The following CCDC7 variants were observed in gnomAD, a reference collection of about 807,000 sequenced individuals.
The protein encoded by CCDC7 is coiled-coil domain containing 7.
Under a neutral mutation model 196.9 loss-of-function variants are expected in CCDC7, and 183 were observed. The observed-to-expected ratio is 0.93, with a 90% CI of 0.82 to 1.05. The LOEUF (loss-of-function observed/expected upper bound fraction) is 1.05. Among genes scored for constraint, CCDC7 ranks in the 50% least tolerant of loss-of-function variants. The pLI is 0.00. For missense variants in CCDC7, 1,540 were observed against 1,482.2 expected (o/e 1.04, Z -0.64); for synonymous variants, 525 against 484.6 (o/e 1.08, Z -1.10).
At chr10:32,737,991 T>C (rs989105347) in intron 28 of CCDC7, among the ~76,000 whole-genome samples, 3 of 152,232 alleles carry the variant, frequency 2.0e-5, no homozygotes, top group African/African-American at 7.2e-5. Flanking sequence ...TGTCTTTGAA[T>C]TGATATATTT....
rs1241637122 is a variant in CCDC7 at position 32,854,258 on chromosome 10, AG to A, written c.4022-140del. On this transcript the variant is annotated intron_variant, in intron 40 of 41. Transcript: ENST00000639629. The stretch of plus-strand genomic sequence containing the variant: ...AAATCAGAGAGAAAATATTTGTGTC[AG>A]GTAAGCTGCTTTATCTAAATTACTG... The A allele has an allele frequency of 8.8e-6, 5 of 567,522 alleles. No individual in the cohort carries two copies. The African/African-American group carries it at 9.6e-5, about 11-fold the overall frequency. The allele number at this position is 567,522 out of a possible 1,614,324, so 35.2% of individuals were successfully genotyped here. A position where few individuals can be genotyped will look rare whatever the true frequency, so the allele number is the denominator to read the frequency against.
At chr10:32,683,041 T>C (rs536640390) in intron 21 of CCDC7, among the ~76,000 whole-genome samples, 1 of 152,350 alleles carries the variant, frequency 6.6e-6, no homozygotes, top group South Asian at 2.1e-4. Context: ...GCAGTGGCTT[T>C]TGGCATCTTT....
chr10:32,445,553 G>C (rs1446293484), upstream of CCDC7, among the ~76,000 whole-genome samples: 1 of 151,830 alleles, frequency 6.6e-6, no homozygotes, highest in Non-Finnish European at 1.5e-5. Flanking sequence ...ATTTTACTTC[G>C]TTCAACTTAA....
chr10:32,792,749 G>A (rs924994053), intron 29 of CCDC7, among the ~76,000 whole-genome samples: 1 of 152,166 alleles, frequency 6.6e-6, no homozygotes, highest in Non-Finnish European at 1.5e-5. Context: ...GCAGTGAGCC[G>A]AGATCACGCC....
intron 25 of CCDC7, among the ~76,000 whole-genome samples, chr10:32,717,626 C>G (rs531860967): frequency 6.6e-6 from 1 of 151,718 alleles, no homozygotes; most frequent in South Asian, 2.1e-4. Flanking sequence ...AGATAGACCA[C>G]GAGCCAGACT....
intron 21 of CCDC7, among the ~76,000 whole-genome samples, chr10:32,668,695 C>T (rs998068962): frequency 6.6e-6 from 1 of 152,076 alleles, no homozygotes; most frequent in Non-Finnish European, 1.5e-5. Flanking sequence ...GTATGTTGAA[C>T]CAGCCTTGCA....
At chr10:32,646,872 T>C (rs2067855406) in intron 20 of CCDC7, among the ~76,000 whole-genome samples, 1 of 152,240 alleles carries the variant, frequency 6.6e-6, no homozygotes, top group Non-Finnish European at 1.5e-5. Context: ...TTTAGGATTA[T>C]GCCCTCCAGC....
At chr10:32,804,616 G>T (rs1481261540) in intron 29 of CCDC7, among the ~76,000 whole-genome samples, 1 of 152,060 alleles carries the variant, frequency 6.6e-6, no homozygotes, top group Admixed American at 6.6e-5. Context: ...GTCTTACCAG[G>T]TATATCCATG....
At chr10:32,637,111 T>C (rs182331537) in intron 20 of CCDC7, among the ~76,000 whole-genome samples, 26 of 152,368 alleles carry the variant, frequency 1.7e-4, no homozygotes, top group African/African-American at 6.3e-4. Flanking sequence ...TTGAGTTCAT[T>C]GTAGATTCTG....
At chr10:32,697,904 C>T (rs539618941) in intron 24 of CCDC7, among the ~76,000 whole-genome samples, 1 of 152,332 alleles carries the variant, frequency 6.6e-6, no homozygotes, top group South Asian at 2.1e-4. Context: ...AGTAGGCTAA[C>T]TGGGAGACAT....
At position 32,453,325 on chromosome 10, in the gene CCDC7, T is replaced by A; in HGVS notation, c.280-19T>A. ...TAAACTATTAAAGTATCTAATTGGCTTTTATTTTTTTTTTACAGGTTGTTT... is the reference window on the plus strand; with the variant it reads ...TAAACTATTAAAGTATCTAATTGGCATTTATTTTTTTTTTACAGGTTGTTT... On this transcript the variant is annotated intron_variant, in intron 1 of 41. Transcript: ENST00000639629. 1 of 1,469,910 alleles carries A rather than the reference T, an allele frequency of 6.8e-7. No homozygotes were observed. Among genetic ancestry groups the A allele is most frequent in the South Asian group, 1.6e-5 (1 of 63,040 alleles). 91.1% of individuals were successfully genotyped at this position (1,469,910 alleles called of 1,614,324 possible). A position where few individuals can be genotyped will look rare whatever the true frequency, so the allele number is the denominator to read the frequency against.
intron 11 of CCDC7, among the ~76,000 whole-genome samples, chr10:32,526,426 C>T (rs1315499693): frequency 2.0e-5 from 3 of 152,120 alleles, no homozygotes; most frequent in East Asian, 1.9e-4. Context: ...TGAGCTGATA[C>T]CTAGGGTGCA....
intron 18 of CCDC7, among the ~76,000 whole-genome samples, chr10:32,613,986 A>ATCTG (rs1330845327): frequency 2.6e-5 from 4 of 152,098 alleles, no homozygotes; most frequent in African/African-American, 9.7e-5. Context: ...TGTCTCATTG[A>ATCTG]TCTAATATTG....
chr10:32,856,473 C>T lies in CCDC7; in HGVS notation c.4111+1984C>T, dbSNP rs11815253. Among the ~76,000 whole-genome samples, 1,250 of 152,288 alleles carry T rather than the reference C, an allele frequency of 8.2e-3. 16 individuals carry two copies. The highest frequency in any genetic ancestry group is 0.014 in the Non-Finnish European group (959 of 68,030). Reference sequence around the variant, plus strand: ...GGACTGAACACGCACAGCACCCTGCCTCCCTGGATTGGGAAAGCCCTCTAC... The same window carrying T: ...GGACTGAACACGCACAGCACCCTGCTTCCCTGGATTGGGAAAGCCCTCTAC... On this transcript the variant is annotated intron_variant, in intron 41 of 41. Coordinates refer to ENST00000639629, the Ensembl canonical transcript of CCDC7.
intron 28 of CCDC7, among the ~76,000 whole-genome samples, chr10:32,759,010 A>C (rs545671857): frequency 2.0e-4 from 30 of 152,304 alleles, no homozygotes; most frequent in Non-Finnish European, 3.7e-4. Context: ...CAAAGAGAAT[A>C]AAATACCTAG....
intron 21 of CCDC7, among the ~76,000 whole-genome samples, chr10:32,669,252 A>T (rs541694476): frequency 1.1e-4 from 16 of 152,116 alleles, no homozygotes; most frequent in Non-Finnish European, 1.9e-4. Flanking sequence ...ACCACACTTG[A>T]TCATGGTGAA....
intron 29 of CCDC7, among the ~76,000 whole-genome samples, chr10:32,792,746 G>A (rs753556761): frequency 1.2e-4 from 19 of 152,192 alleles, no homozygotes; most frequent in Non-Finnish European, 1.2e-4. Flanking sequence ...GTGGCAGTGA[G>A]CCGAGATCAC....
intron 29 of CCDC7, among the ~76,000 whole-genome samples, chr10:32,796,986 C>T (rs1368877315): frequency 3.3e-5 from 5 of 152,004 alleles, no homozygotes; most frequent in African/African-American, 1.2e-4. Flanking sequence ...ATTTAAAAGA[C>T]AATCTACTTA....
At chr10:32,685,526 C>A (rs2076367868) in intron 21 of CCDC7, among the ~76,000 whole-genome samples, 1 of 152,158 alleles carries the variant, frequency 6.6e-6, no homozygotes, top group Non-Finnish European at 1.5e-5. Context: ...GAATCCATGA[C>A]TGTATTCTCT....
Sources: gnomAD v4.1 joint callset for allele counts (sites outside exome capture counted in the v4.1 genomes callset) on GRCh38, gnomAD v4.1.1 for gene constraint, MANE v1.5 for transcripts, NCBI Gene and HGNC (gene_info 2026-07-23, HGNC 2026-07-21) for gene names.